Variants in GRIK1 observed in about 807,000 individuals in gnomAD.
GRIK1 encodes glutamate ionotropic receptor kainate type subunit 1, also known as glutamate receptor ionotropic, kainate 1.
A neutral mutation model predicts 105.7 loss-of-function variants in GRIK1; 69 were observed. The observed-to-expected ratio is 0.65, with a 90% confidence interval of 0.54 to 0.80. The LOEUF (loss-of-function observed/expected upper bound fraction) is 0.80. GRIK1 is among the 30% of genes least tolerant of loss of function. The pLI is 0.00. For synonymous variants in GRIK1, 438 were observed against 431.3 expected, an observed-to-expected ratio of 1.02 and a Z score of -0.19; for missense variants, 1,109 against 1,167.3, an observed-to-expected ratio of 0.95 and a Z score of 0.73.
chr21:29,779,517 G>C (rs2066033536), intron 1 of GRIK1, among the ~76,000 whole-genome samples: 1 of 151,936 alleles, frequency 6.6e-6, no homozygotes, highest in African/African-American at 2.4e-5. Flanking sequence ...GTGTGTGTGT[G>C]TGATCCCAAC....
At chr21:29,919,311 G>A (rs1373832404) in intron 1 of GRIK1, among the ~76,000 whole-genome samples, 1 of 152,148 alleles carries the variant, frequency 6.6e-6, no homozygotes, top group African/African-American at 2.4e-5. Context: ...GAGTGGATCT[G>A]GAGGGGCAAA....
At chr21:29,776,278 C>A (rs115736155) in intron 1 of GRIK1, among the ~76,000 whole-genome samples, 86 of 152,290 alleles carry the variant, frequency 5.6e-4, no homozygotes, top group African/African-American at 1.9e-3. Flanking sequence ...CCTTTTTATT[C>A]TTTACTTTAT....
intron 4 of GRIK1, among the ~76,000 whole-genome samples, chr21:29,656,498 A>C (rs1253275741): frequency 3.3e-5 from 5 of 152,008 alleles, no homozygotes; most frequent in Non-Finnish European, 7.4e-5. Flanking sequence ...TTTATATCAA[A>C]GACTCTTAGA....
chr21:29,796,842 G>A (rs764042195), intron 1 of GRIK1, among the ~76,000 whole-genome samples: 11 of 152,006 alleles, frequency 7.2e-5, no homozygotes, highest in East Asian at 1.9e-4. Context: ...CCAGCTACTC[G>A]AGAAGCTGAA....
Position 29,555,034 on chromosome 21 carries a change from T to A in GRIK1, c.2607+18A>T. The A allele has an allele frequency of 6.3e-7, 1 of 1,596,322 alleles. No homozygotes were observed. The highest frequency in any genetic ancestry group is 8.6e-7 in the Non-Finnish European group (1 of 1,165,436). Reference sequence around the variant, plus strand: ...ATGCAAACTATAAACTAACCAGTCCTAGAAAGAGATGACTCACCTGTTCAA... The same window carrying A: ...ATGCAAACTATAAACTAACCAGTCCAAGAAAGAGATGACTCACCTGTTCAA... On this transcript the variant is annotated intron_variant, in intron 16 of 17. Transcript: ENST00000327783.
chr21:29,714,279 C>G (rs2064126115), intron 1 of GRIK1, among the ~76,000 whole-genome samples: 1 of 151,400 alleles, frequency 6.6e-6, no homozygotes, highest in South Asian at 2.1e-4. Flanking sequence ...CTCTTAAGTC[C>G]AAAGGATTAA....
At chr21:29,762,403 G>C (rs549439051) in intron 1 of GRIK1, among the ~76,000 whole-genome samples, 3 of 152,266 alleles carry the variant, frequency 2.0e-5, no homozygotes, top group East Asian at 1.9e-4. Context: ...GGAAACACTA[G>C]GTTCACTGTC....
chr21:29,793,328 C>T (rs1337303367), intron 1 of GRIK1, among the ~76,000 whole-genome samples: 1 of 152,188 alleles, frequency 6.6e-6, no homozygotes, highest in Non-Finnish European at 1.5e-5. Context: ...GCATTAATCT[C>T]TCACAGTATA....
At chr21:29,726,096 CCT>C (rs1478008385) in intron 1 of GRIK1, among the ~76,000 whole-genome samples, 1 of 152,138 alleles carries the variant, frequency 6.6e-6, no homozygotes, top group Non-Finnish European at 1.5e-5. Flanking sequence ...AAAACCCCCT[CCT>C]GTCATGAGGA....
At chr21:29,610,936 C>T (rs1160900406) in intron 7 of GRIK1, among the ~76,000 whole-genome samples, 1 of 152,156 alleles carries the variant, frequency 6.6e-6, no homozygotes, top group Non-Finnish European at 1.5e-5. Flanking sequence ...CAGAGGCTTC[C>T]ATGGTCAATG....
intron 1 of GRIK1, among the ~76,000 whole-genome samples, chr21:29,865,887 G>A (rs897639223): frequency 2.0e-5 from 3 of 152,176 alleles, no homozygotes; most frequent in Admixed American, 1.3e-4. Context: ...ACCATCGTTT[G>A]TGACGATGGC....
intron 1 of GRIK1, among the ~76,000 whole-genome samples, chr21:29,748,532 T>C (rs1569044106): frequency 6.6e-6 from 1 of 152,220 alleles, no homozygotes; most frequent in Non-Finnish European, 1.5e-5. Context: ...ACATGACAAT[T>C]TGGGCAACTT....
chr21:29,871,287 T>C (rs1195098454), intron 1 of GRIK1, among the ~76,000 whole-genome samples: 4 of 152,204 alleles, frequency 2.6e-5, no homozygotes, highest in Non-Finnish European at 1.5e-5. Context: ...CCAGCATTTA[T>C]AGAACACTTA....
chr21:29,763,011 C>G (rs971929064), intron 1 of GRIK1, among the ~76,000 whole-genome samples: 3 of 152,186 alleles, frequency 2.0e-5, no homozygotes, highest in African/African-American at 7.2e-5. Context: ...AGTAAGCCAG[C>G]TTTTCTCCTC....
At chr21:29,734,137 G>A (rs1205151746) in intron 1 of GRIK1, among the ~76,000 whole-genome samples, 1 of 152,044 alleles carries the variant, frequency 6.6e-6, no homozygotes, top group African/African-American at 2.4e-5. Flanking sequence ...AATCTGAAGA[G>A]GCTTATTTAA....
chr21:29,728,630 T>C (rs904755229), intron 1 of GRIK1, among the ~76,000 whole-genome samples: 1 of 152,180 alleles, frequency 6.6e-6, no homozygotes, highest in Admixed American at 6.5e-5. Flanking sequence ...AGTGTGTCAA[T>C]TAGATTATAC....
chr21:29,782,807 C>T (rs1184703494), intron 1 of GRIK1, among the ~76,000 whole-genome samples: 1 of 152,168 alleles, frequency 6.6e-6, no homozygotes, highest in Non-Finnish European at 1.5e-5. Flanking sequence ...TTTTACTTTG[C>T]TTCATTTTAT....
intron 1 of GRIK1, among the ~76,000 whole-genome samples, chr21:29,797,115 A>T (rs1392508419): frequency 6.6e-6 from 1 of 152,230 alleles, no homozygotes; most frequent in African/African-American, 2.4e-5. Flanking sequence ...AGCTGCCAGC[A>T]AGACAGTGTC....
intron 1 of GRIK1, among the ~76,000 whole-genome samples, chr21:29,851,954 C>T (rs950617283): frequency 2.6e-4 from 40 of 152,236 alleles, no homozygotes; most frequent in African/African-American, 9.4e-4. Context: ...ATTCCGTTCA[C>T]TTACTTAGAT....
Sources: gnomAD v4.1 joint callset for allele counts (sites outside exome capture counted in the v4.1 genomes callset) on GRCh38, gnomAD v4.1.1 for gene constraint, MANE v1.5 for transcripts, NCBI Gene and HGNC (gene_info 2026-07-23, HGNC 2026-07-21) for gene names.